OPCML: variants seen among roughly 807,000 people sequenced by gnomAD.
The protein encoded by OPCML is opioid-binding protein/cell adhesion molecule.
Under a neutral mutation model 37.8 loss-of-function variants are expected in OPCML, and 13 were observed. The observed-to-expected ratio is 0.34, with a 90% CI of 0.22 to 0.55. OPCML has a LOEUF of 0.55. Ranked by LOEUF, OPCML falls within the 20% of genes least tolerant of loss-of-function variation. The pLI, the probability that OPCML is intolerant of heterozygous loss-of-function variation, is 0.91. For synonymous variants in OPCML, 176 were observed against 168.8 expected (o/e 1.04, Z -0.33); for missense variants, 341 against 435.6 (o/e 0.78, Z 1.93).
At chr11:132,605,320 C>T (rs147956490) in intron 3 of OPCML, among the ~76,000 whole-genome samples, 2,636 of 151,668 alleles carry the variant, frequency 0.017, 65 homozygotes, top group African/African-American at 0.06. Context: ...CACTTTGGGA[C>T]GCCGAGGTGG....
Position 133,174,026 on chromosome 11 carries a change from G to C in OPCML, c.62-231016C>G, listed in dbSNP as rs1180021125. Among the ~76,000 whole-genome samples, 1 of 152,210 alleles carries C rather than the reference G, an allele frequency of 6.6e-6. No individual in the cohort carries two copies. Among genetic ancestry groups the C allele is most frequent in the Admixed American group, 6.5e-5 (1 of 15,278 alleles). ...CAGCAACGGATGAGCATGGAGAAAC[G>C]GCCTGGCAGGCCCTGCACTGCGGCC... On this transcript the variant is annotated intron_variant, in intron 1 of 7. Coordinates refer to ENST00000524381, the MANE Select transcript of OPCML (RefSeq NM_001012393.5). This position sits in a 1 kb window ranked among gnomAD's most constrained non-coding sequence, Gnocchi z 4.6.
rs148601374 is a variant in OPCML at position 132,657,208 on chromosome 11, A to G, written c.258T>C (p.Asn86=). 3 of 1,614,136 alleles carry G rather than the reference A, an allele frequency of 1.9e-6. No individual in the cohort carries two copies. Among genetic ancestry groups the G allele is most frequent in the Non-Finnish European group, 2.5e-6 (3 of 1,180,056 alleles). The change falls in exon 3 of 8, where the codon AAT becomes AAC. Residue 86 remains asparagine (N), a synonymous_variant. Coordinates refer to ENST00000524381, the MANE Select transcript of OPCML (RefSeq NM_001012393.5). ...SIDPRVIILV[N]TPTQYSIMIQ... ...TCATGATGCTGTACTGGGTTGGTGT[A>G]TTGACCAGGATGATCACACGAGGGT...
Position 133,206,043 on chromosome 11 carries a change from C to T in OPCML, c.62-263033G>A, listed in dbSNP as rs1191699534. ...AGGAATACAAGAGCTAATGTACATA[C>T]ATGATGTAGTACCATGTCTAGTGCC... On this transcript the variant is annotated intron_variant, in intron 1 of 7. Coordinates refer to ENST00000524381, the MANE Select transcript of OPCML (RefSeq NM_001012393.5). The surrounding 1 kb of genome is among the most constrained non-coding windows in gnomAD (Gnocchi z 4.7). Among the ~76,000 whole-genome samples the T allele has an allele frequency of 6.6e-6, 1 of 152,188 alleles. No individual in the cohort carries two copies. The highest frequency in any genetic ancestry group is 1.5e-5 in the Non-Finnish European group (1 of 68,034).
At chr11:132,753,317 C>A (rs1225748950) in intron 2 of OPCML, among the ~76,000 whole-genome samples, 3 of 152,108 alleles carry the variant, frequency 2.0e-5, no homozygotes, top group Admixed American at 6.5e-5. Context: ...AGTGTATCTC[C>A]CTCATTCTGA....
intron 3 of OPCML, among the ~76,000 whole-genome samples, chr11:132,618,552 A>G (rs1457646741): frequency 6.6e-6 from 1 of 151,978 alleles, no homozygotes; most frequent in Admixed American, 6.5e-5. Flanking sequence ...CACCTTCACT[A>G]CCCAACAATC....
At chr11:132,572,949 G>T (rs1429396550) in intron 3 of OPCML, among the ~76,000 whole-genome samples, 1 of 151,746 alleles carries the variant, frequency 6.6e-6, no homozygotes, top group African/African-American at 2.4e-5. Context: ...AGTTTTTAAT[G>T]TAAAAATTTT....
chr11:133,024,464 C>T (rs1451548632), intron 1 of OPCML: 1 of 984,242 alleles, frequency 1.0e-6, no homozygotes, highest in Non-Finnish European at 1.2e-6. Context: ...CAGCTGCTCA[C>T]ACAGCAGAGG....
intron 2 of OPCML, among the ~76,000 whole-genome samples, chr11:132,698,719 A>G (rs1943696327): frequency 6.6e-6 from 1 of 152,116 alleles, no homozygotes; most frequent in Non-Finnish European, 1.5e-5. Flanking sequence ...ACCAATTTCA[A>G]GAATCTTTTT....
intron 1 of OPCML, among the ~76,000 whole-genome samples, chr11:133,183,905 A>G (rs980290442): frequency 6.6e-6 from 1 of 152,206 alleles, no homozygotes; most frequent in Non-Finnish European, 1.5e-5. Context: ...CATGATTTTC[A>G]ATTACACCCG....
At chr11:133,115,088 C>T (rs990894638) in intron 1 of OPCML, among the ~76,000 whole-genome samples, 1 of 152,298 alleles carries the variant, frequency 6.6e-6, no homozygotes, top group Non-Finnish European at 1.5e-5. Context: ...GGTCAAAGGA[C>T]ATATGAAAAG....
intron 3 of OPCML, among the ~76,000 whole-genome samples, chr11:132,577,503 G>C (rs908119810): frequency 6.6e-6 from 1 of 152,078 alleles, no homozygotes; most frequent in African/African-American, 2.4e-5. Context: ...ATGCATATCA[G>C]ACTTTAATAG....
intron 1 of OPCML, among the ~76,000 whole-genome samples, chr11:133,333,692 A>G (rs1943676827): frequency 6.6e-6 from 1 of 152,254 alleles, no homozygotes; most frequent in Non-Finnish European, 1.5e-5. Context: ...CTATCAACAG[A>G]GTAAACAGAA....
intron 1 of OPCML, among the ~76,000 whole-genome samples, chr11:133,356,486 G>C (rs577901375): frequency 1.3e-5 from 2 of 152,254 alleles, no homozygotes; most frequent in South Asian, 4.1e-4. Context: ...GAGAAAGTAG[G>C]AGCCAGAGGG....
intron 2 of OPCML, among the ~76,000 whole-genome samples, chr11:132,814,050 C>A (rs1939493505): frequency 6.6e-6 from 1 of 152,192 alleles, no homozygotes; most frequent in African/African-American, 2.4e-5. Context: ...GTTCTGATCA[C>A]AAAGTATGTG....
chr11:133,022,869 T>C (rs553715685), intron 1 of OPCML, among the ~76,000 whole-genome samples: 1 of 152,292 alleles, frequency 6.6e-6, no homozygotes, highest in South Asian at 2.1e-4. Context: ...CCTTTTGCAA[T>C]TAAGAGAGGA....
In OPCML at chr11:133,390,458, A is replaced by G. The variant is rs143566345; in HGVS notation, c.61+141806T>C. 9.4e-3 allele frequency among the ~76,000 whole-genome samples: 1,434 copies of G among 152,122 alleles called. 21 individuals carry two copies. Among genetic ancestry groups the G allele is most frequent in the African/African-American group, 0.032 (1,333 of 41,524 alleles). ...AGCCCGGGTGACAGAACAAGACTCC[A>G]TCTCAACAAAAACAACAACAACGAC... On this transcript the variant is annotated intron_variant, in intron 1 of 7. Transcript: ENST00000524381.
chr11:133,019,153 T>C (rs1185071672), intron 1 of OPCML, among the ~76,000 whole-genome samples: 1 of 152,194 alleles, frequency 6.6e-6, no homozygotes, highest in Non-Finnish European at 1.5e-5. Context: ...GGATTGTGGC[T>C]TTGGTTGCCT....
intron 1 of OPCML, among the ~76,000 whole-genome samples, chr11:133,303,810 G>C (rs1478185304): frequency 1.3e-5 from 2 of 152,098 alleles, no homozygotes; most frequent in Non-Finnish European, 2.9e-5. Context: ...AGACACTGTT[G>C]AATAGAAAAA....
At chr11:132,863,629 TA>T (rs1200680697) in intron 2 of OPCML, among the ~76,000 whole-genome samples, 5 of 152,176 alleles carry the variant, frequency 3.3e-5, no homozygotes, top group African/African-American at 9.7e-5. Flanking sequence ...CCATCCAACC[TA>T]AAACTATGAC....
Sources: gnomAD v4.1 joint callset for allele counts (sites outside exome capture counted in the v4.1 genomes callset) on GRCh38, gnomAD v4.1.1 for gene constraint, Gnocchi (gnomAD v3.1) non-coding constraint, MANE v1.5 for transcripts, NCBI Gene and HGNC (gene_info 2026-07-23, HGNC 2026-07-21) for gene names.